The following CASZ1 variants were observed in gnomAD, a reference collection of about 807,000 sequenced individuals.
The protein encoded by CASZ1 is castor zinc finger 1.
Under a neutral mutation model 135.2 loss-of-function variants are expected in CASZ1, and 28 were observed. The observed-to-expected ratio is 0.21, with a 90% CI of 0.15 to 0.28. The LOEUF (loss-of-function observed/expected upper bound fraction) is 0.28. Ranked by LOEUF, CASZ1 falls within the 10% of genes least tolerant of loss-of-function variation. The pLI is 1.00. For missense variants in CASZ1, 2,161 were observed against 2,453.3 expected, an observed-to-expected ratio of 0.88 and a Z score of 2.52; for synonymous variants, 1,068 against 1,073.4, an observed-to-expected ratio of 0.99 and a Z score of 0.10.
rs1009796135 is a variant in CASZ1 at position 10,739,799 on chromosome 1, C to T, written c.-77+20902G>A. On this transcript the variant is annotated intron_variant, in intron 2 of 20. Transcript: ENST00000377022. The surrounding 1 kb of genome is among the most constrained non-coding windows in gnomAD (Gnocchi z 4.8). ...GACCTCTCTAGCACATGCCTTTTGC[C>T]ACCTCCCCCACTGGTCCTGGCTCTT... Among the ~76,000 whole-genome samples, 8 of 152,178 alleles carry T rather than the reference C, an allele frequency of 5.3e-5. No individual in the cohort carries two copies. Among genetic ancestry groups the T allele is most frequent in the African/African-American group, 1.9e-4 (8 of 41,442 alleles).
intron 9 of CASZ1, among the ~76,000 whole-genome samples, chr1:10,654,879 G>A (rs1285950749): frequency 6.6e-6 from 1 of 152,226 alleles, no homozygotes; most frequent in African/African-American, 2.4e-5. Flanking sequence ...GCCCAGGGGA[G>A]GGAGCTGCAT....
intron 13 of CASZ1, chr1:10,649,661 C>CCTG: frequency 1.8e-6 from 1 of 546,836 alleles, no homozygotes; most frequent in Non-Finnish European, 3.2e-6. Flanking sequence ...CTCCTCAGGG[C>CCTG]TCCTCCACAT....
chr1:10,723,921 C>T (rs1639550267), intron 2 of CASZ1, among the ~76,000 whole-genome samples: 1 of 152,202 alleles, frequency 6.6e-6, no homozygotes, highest in Non-Finnish European at 1.5e-5. Flanking sequence ...AGCCCACCTT[C>T]TCCTCTTCTT....
At chr1:10,746,136 A>G (rs937155539) in intron 2 of CASZ1, among the ~76,000 whole-genome samples, 5 of 152,238 alleles carry the variant, frequency 3.3e-5, no homozygotes, top group African/African-American at 4.8e-5. Context: ...AGCTGAGGAC[A>G]TACTGTTCCC....
At chr1:10,680,668 G>C (rs144226113) in intron 4 of CASZ1, among the ~76,000 whole-genome samples, 1 of 152,190 alleles carries the variant, frequency 6.6e-6, no homozygotes, top group Non-Finnish European at 1.5e-5. Flanking sequence ...GGGTGGAGAA[G>C]GTGAAGGGGC....
In CASZ1 at chr1:10,707,351, G is replaced by A. The variant is rs1341647998; in HGVS notation, c.-76-1807C>T. 6.6e-6 allele frequency among the ~76,000 whole-genome samples: 1 copy of A among 152,186 alleles called. No homozygotes were observed. The highest frequency in any genetic ancestry group is 1.9e-4 in the East Asian group (1 of 5,188). The stretch of plus-strand genomic sequence containing the variant: ...TGATAACGACTTGCAGCGCGGTGTT[G>A]CCGTCCCCAACCACCCCTGTTTTCT... On this transcript the variant is annotated intron_variant, in intron 2 of 20. Transcript: ENST00000377022. This position sits in a 1 kb window ranked among gnomAD's most constrained non-coding sequence, Gnocchi z 5.0.
At chr1:10,732,657 G>T (rs1570536039) in intron 2 of CASZ1, among the ~76,000 whole-genome samples, 2 of 152,166 alleles carry the variant, frequency 1.3e-5, no homozygotes, top group Non-Finnish European at 2.9e-5. Context: ...GCAGAGGAGG[G>T]GGAGATGGTC....
intron 5 of CASZ1, chr1:10,660,951 A>T (rs1204712500): frequency 4.5e-6 from 1 of 219,918 alleles, no homozygotes; most frequent in Non-Finnish European, 9.1e-6. Context: ...ACAGGTAGGG[A>T]CGTGGGCCAG....
chr1:10,752,230 G>A (rs1275513274), intron 2 of CASZ1, among the ~76,000 whole-genome samples: 2 of 152,218 alleles, frequency 1.3e-5, no homozygotes, highest in African/African-American at 4.8e-5. Context: ...GCCTGGCCTG[G>A]TCCAGCCCCT....
intron 1 of CASZ1, among the ~76,000 whole-genome samples, chr1:10,784,509 AC>A (rs1230897779): frequency 1.3e-5 from 2 of 152,026 alleles, no homozygotes; most frequent in African/African-American, 4.8e-5. Context: ...GATGGTACAG[AC>A]CCCACACCCT....
intron 13 of CASZ1, 167 bp downstream of exon 13, chr1:10,650,525 G>C: frequency 1.6e-6 from 1 of 612,858 alleles, no homozygotes; most frequent in Non-Finnish European, 2.9e-6. Context: ...TTTGTAAGCA[G>C]TGGCTCTGAA....
intron 4 of CASZ1, among the ~76,000 whole-genome samples, chr1:10,681,393 C>T (rs953239185): frequency 1.2e-4 from 19 of 152,204 alleles, no homozygotes; most frequent in East Asian, 1.9e-4. Context: ...TGTGAGGCAG[C>T]GCCCGCCTCT....
chr1:10,723,133 G>A (rs1397179615), intron 2 of CASZ1, among the ~76,000 whole-genome samples: 1 of 152,362 alleles, frequency 6.6e-6, no homozygotes, highest in African/African-American at 2.4e-5. Context: ...GCTGGTCACT[G>A]AACAGTGCCC....
At chr1:10,761,568 GTTGGTGCCCTGCTACCGGCAACCT>G (rs1257719577) in intron 1 of CASZ1, among the ~76,000 whole-genome samples, 1 of 152,136 alleles carries the variant, frequency 6.6e-6, no homozygotes, top group Admixed American at 6.5e-5. Context: ...GCCAAAGAAA[GTTGGTGCCCTGCTACCGGCAACCT>G]TTGTGTCAAT....
In CASZ1 at chr1:10,654,003, A is replaced by C. The variant is rs1273685296; in HGVS notation, c.2054T>G (p.Met685Arg). The change falls in exon 11 of 21, where the codon ATG (methionine) becomes AGG (arginine). Residue 685 changes from methionine to arginine, a missense_variant. Around this residue, in one of 7 missense-constraint regions of CASZ1, gnomAD observed 248 missense variants for 410.8 expected, o/e 0.60. Transcript: ENST00000377022. Reference sequence around the variant, plus strand: ...CTCATGCTTGCGCTTGTGAGAGGTCATCTGGCTGGTGGAGGTGAAGGTGAA... The same window carrying C: ...CTCATGCTTGCGCTTGTGAGAGGTCCTCTGGCTGGTGGAGGTGAAGGTGAA... ...CGFTFTSTSQMTSHKRKHERR... is the reference protein window; with the variant it reads ...CGFTFTSTSQRTSHKRKHERR... 1 of 1,614,180 alleles carries C rather than the reference A, an allele frequency of 6.2e-7. No individual in the cohort carries two copies. The highest frequency in any genetic ancestry group is 1.3e-5 in the African/African-American group (1 of 75,074).
chr1:10,659,416 G>T (rs761352729), intron 6 of CASZ1, among the ~76,000 whole-genome samples: 8 of 152,200 alleles, frequency 5.3e-5, no homozygotes, highest in South Asian at 2.1e-4. Flanking sequence ...CGTGTGTGGG[G>T]GGCGTGTGCG....
intron 2 of CASZ1, among the ~76,000 whole-genome samples, chr1:10,758,378 C>T (rs771937514): frequency 4.0e-4 from 59 of 146,058 alleles, no homozygotes; most frequent in East Asian, 1.2e-3. Context: ...GTCGCCCAGA[C>T]TGGAGTGCAG....
In CASZ1 at chr1:10,644,899, A is replaced by G; in HGVS notation, c.3868+18T>C. The G allele has an allele frequency of 6.2e-7, 1 of 1,604,936 alleles. No individual in the cohort carries two copies. On this transcript the variant is annotated intron_variant, in intron 18 of 20. Coordinates refer to ENST00000377022, the MANE Select transcript of CASZ1 (RefSeq NM_001079843.3). ...ATGCCTGCTGCAAGTCCCTGCCCGC[A>G]GCCCCAGCCCTCGGTACCTAGCCTG...
At chr1:10,693,216 G>C (rs1320858156) in intron 4 of CASZ1, among the ~76,000 whole-genome samples, 1 of 152,092 alleles carries the variant, frequency 6.6e-6, no homozygotes, top group Non-Finnish European at 1.5e-5. Flanking sequence ...TAAAGAGGCA[G>C]GTGGGAGACA....
Sources: allele counts gnomAD v4.1 joint callset (sites outside exome capture counted in the v4.1 genomes callset), GRCh38; gene constraint gnomAD v4.1.1; regional missense constraint gnomAD v4.1.1; non-coding constraint Gnocchi (gnomAD v3.1); transcripts MANE v1.5; gene names NCBI Gene and HGNC (gene_info 2026-07-23, HGNC 2026-07-21).